The following TACC3 variants were observed in gnomAD, a reference collection of about 807,000 sequenced individuals.
TACC3 encodes the protein transforming acidic coiled-coil containing protein 3.
A neutral mutation model predicts 86.0 loss-of-function variants in TACC3; 52 were observed. That is an observed-to-expected ratio of 0.60 (90% CI 0.48 to 0.76). TACC3 has a LOEUF of 0.76. Among genes scored for constraint, TACC3 ranks in the 30% least tolerant of loss-of-function variants. TACC3 has a pLI of 0.00. For missense variants in TACC3, 1,120 were observed against 1,070.4 expected, an observed-to-expected ratio of 1.05 and a Z score of -0.65; for synonymous variants, 512 against 430.0, an observed-to-expected ratio of 1.19 and a Z score of -2.36.
chr4:1,734,690 G>A (rs1220202162), intron 6 of TACC3, among the ~76,000 whole-genome samples: 1 of 150,108 alleles, frequency 6.7e-6, no homozygotes, highest in Non-Finnish European at 1.5e-5. Context: ...CTTTTTTTTT[G>A]CAACAGTTTT....
chr4:1,736,959 G>A (rs943543981), intron 8 of TACC3, among the ~76,000 whole-genome samples: 4 of 152,092 alleles, frequency 2.6e-5, no homozygotes, highest in African/African-American at 9.7e-5. Context: ...CCCCTGATGA[G>A]GCAGCACTGG....
Position 1,734,226 on chromosome 4 carries a change from C to T in TACC3, c.1592-1047C>T, listed in dbSNP as rs377709656. 1.5e-3 allele frequency among the ~76,000 whole-genome samples: 235 copies of T among 152,208 alleles called. 1 individual carries two copies. The highest frequency in any genetic ancestry group is 5.4e-3 in the African/African-American group (223 of 41,550). On this transcript the variant is annotated intron_variant, in intron 6 of 15. Transcript: ENST00000313288. ...TTCCCGAGACGGAGTCTTGCTCTGT[C>T]GCCCAGGCTGGAGTGCAGTAGCATG...
rs372369345 is a variant in TACC3, at chr4:1,728,558, G to A, written c.1156G>A (p.Gly386Ser). ...KAPQEVEEDD[G>S]RSGAGEDPPM... is the part of the protein sequence containing the mutation. ...CCCGCAGGAGGTGGAGGAGGACGAC[G>A]GTAGGAGCGGAGCAGGAGAGGACCC... The change falls in exon 4 of 16, where the codon GGT (glycine) becomes AGT (serine). Residue 386 changes from glycine (G) to serine (S), a missense_variant. By Grantham distance (56) the Gly-to-Ser change is moderately conservative (BLOSUM62 0). Transcript: ENST00000313288. 1.7e-5 allele frequency: 27 copies of A among 1,613,844 alleles called. No individual in the cohort carries two copies. The highest frequency in any genetic ancestry group is 6.7e-5 in the East Asian group (3 of 44,894).
chr4:1,744,302 G>GAA (rs1718736313), intron 13 of TACC3: 1 of 556,080 alleles, frequency 1.8e-6, no homozygotes, highest in African/African-American at 1.9e-5. Context: ...TTCAGGCCCG[G>GAA]CATCTCAGGG....
In TACC3 at chr4:1,735,941, G is replaced by T; in HGVS notation, c.1748+107G>T. 1 of 801,146 alleles carries T rather than the reference G, an allele frequency of 1.2e-6. No homozygotes were observed. The highest frequency in any genetic ancestry group is 1.7e-5 in the South Asian group (1 of 59,540). The allele number at this position is 801,146 out of a possible 1,614,324, so 49.6% of individuals were successfully genotyped here. ...AGAGGCTTCTAGACCGGGGGGAGATGATCAGAACTGGAAAGGAGCTGTGCT... is the reference window on the plus strand; with the variant it reads ...AGAGGCTTCTAGACCGGGGGGAGATTATCAGAACTGGAAAGGAGCTGTGCT... On this transcript the variant is annotated intron_variant, in intron 8 of 15. Coordinates refer to ENST00000313288, the MANE Select transcript of TACC3 (RefSeq NM_006342.3). This position sits in a 1 kb window ranked among gnomAD's most constrained non-coding sequence, Gnocchi z 4.2.
Position 1,728,538 on chromosome 4 carries a change from AG to A in TACC3, c.1138del (p.Glu380ArgfsTer81). The stretch of plus-strand genomic sequence containing the variant: ...GCAGTGAGGCAGCAAAAGGCCCCGC[AG>A]GAGGTGGAGGAGGACGACGGTAGGA... ...KAAVRQQKAP[Q>X]EVEEDDGRSG... On this transcript the variant is annotated frameshift_variant, in exon 4 of 16. Coordinates refer to ENST00000313288, the MANE Select transcript of TACC3 (RefSeq NM_006342.3). LOFTEE classifies it high-confidence loss of function. 1 of 1,613,976 alleles carries A rather than the reference AG, an allele frequency of 6.2e-7. No individual in the cohort carries two copies. Among genetic ancestry groups the A allele is most frequent in the Non-Finnish European group, 8.5e-7 (1 of 1,179,964 alleles).
rs763472717 is a variant in TACC3, at chr4:1,728,099, G to A, written c.697G>A (p.Glu233Lys). 1.4e-5 allele frequency: 23 copies of A among 1,612,384 alleles called. 1 individual carries two copies. In the East Asian group the frequency reaches 4.2e-4, roughly 30 times the overall value. ...ECKAETPHGAEEECRHGGVCA... is the reference protein window; with the variant it reads ...ECKAETPHGAKEECRHGGVCA... The stretch of plus-strand genomic sequence containing the variant: ...CAAAGCGGAGACTCCGCACGGAGCC[G>A]AGGAGGAATGCCGGCACGGTGGGGT... The change falls in exon 4 of 16, where the codon GAG becomes AAG. Residue 233 changes from glutamate to lysine, a missense_variant. Physicochemically the swap from Glu to Lys is moderately conservative, Grantham distance 56 (BLOSUM62 1). Transcript: ENST00000313288.
intron 6 of TACC3, among the ~76,000 whole-genome samples, chr4:1,733,187 G>A (rs1310872778): frequency 2.0e-5 from 3 of 152,178 alleles, no homozygotes; most frequent in African/African-American, 4.8e-5. Flanking sequence ...ATGAACGAGC[G>A]TCTTTTTATG....
At chr4:1,739,358 A>C in intron 10 of TACC3, 1 of 317,460 alleles carries the variant, frequency 3.1e-6, no homozygotes, top group Non-Finnish European at 5.8e-6. Context: ...TTCTTTGAAG[A>C]CAAACTTGGA....
chr4:1,744,774 C>T lies in TACC3; in HGVS notation c.2393C>T (p.Ala798Val). Residue 798 changes from alanine (A) to valine (V), a missense_variant, in exon 15 of 16, where the codon GCC (alanine) becomes GTC (valine). By Grantham distance (64) the Ala-to-Val change is moderately conservative (BLOSUM62 0). Transcript: ENST00000313288. The part of the protein sequence containing the change: ...KAQAEALALQ[A>V]SLRKEQMRIQ... The stretch of plus-strand genomic sequence containing the variant: ...CAGGCGGAAGCGTTGGCCCTCCAGG[C>T]CAGCCTGAGGAAGGAGCAGATGCGC... 6.2e-7 allele frequency: 1 copy of T among 1,612,816 alleles called. No individual in the cohort carries two copies. Among genetic ancestry groups the T allele is most frequent in the Non-Finnish European group, 8.5e-7 (1 of 1,180,024 alleles).
chr4:1,740,187 G>A (rs1212019886), intron 12 of TACC3, 185 bp downstream of exon 12: 1 of 626,280 alleles, frequency 1.6e-6, no homozygotes, highest in African/African-American at 1.8e-5. Flanking sequence ...GCTGGTGGTA[G>A]TGAGGCTGGT....
intron 11 of TACC3, 70 bp downstream of exon 11, chr4:1,739,848 C>A (rs1179384638): frequency 1.3e-6 from 2 of 1,551,788 alleles, no homozygotes; most frequent in African/African-American, 1.4e-5. Context: ...ATCCCCCTCG[C>A]CATCCTTGTC....
chr4:1,730,936 G>C lies in TACC3; in HGVS notation c.1435G>C (p.Ala479Pro). 1 of 1,613,472 alleles carries C rather than the reference G, an allele frequency of 6.2e-7. No individual in the cohort carries two copies. The highest frequency in any genetic ancestry group is 8.5e-7 in the Non-Finnish European group (1 of 1,180,042). The change falls in exon 5 of 16, where the codon GCC becomes CCC. Residue 479 changes from alanine (A) to proline (P), a missense_variant. Ala to Pro is a conservative substitution (Grantham distance 27). Transcript: ENST00000313288. ...AEDTPVVQLA[A>P]ETPTAESKER... ...GGACACGCCTGTGGTGCAGTTGGCA[G>C]CCGAGACCCCAACAGCAGAGAGCAA...
chr4:1,726,005 G>A (rs1337990248), intron 3 of TACC3, among the ~76,000 whole-genome samples: 1 of 152,218 alleles, frequency 6.6e-6, no homozygotes, highest in Non-Finnish European at 1.5e-5. Flanking sequence ...CAGGTGACAT[G>A]GGCCCCTTAT....
chr4:1,735,744 C>T lies in TACC3; in HGVS notation c.1658C>T (p.Ala553Val), dbSNP rs373005314. 3.1e-6 allele frequency: 5 copies of T among 1,612,794 alleles called. No homozygotes were observed. Among genetic ancestry groups the T allele is most frequent in the Non-Finnish European group, 4.2e-6 (5 of 1,179,622 alleles). The change falls in exon 8 of 16, where the codon GCC (alanine) becomes GTC (valine). Residue 553 changes from alanine (A) to valine (V), a missense_variant. Ala to Val is a moderately conservative substitution (Grantham distance 64, BLOSUM62 0). Transcript: ENST00000313288. The surrounding 1 kb of genome is among the most constrained non-coding windows in gnomAD (Gnocchi z 4.2). ...TCTTGTCCCCAGTTTAAGGAGTCGG[C>T]CTTGAGGAAGCAGTCCTTATACCTC... is the stretch of plus-strand genomic sequence containing the variant. ...QFGTSSFKES[A>V]LRKQSLYLKF...
In TACC3 at chr4:1,728,009, G is replaced by A. The variant is rs1717780221; in HGVS notation, c.607G>A (p.Glu203Lys). 1.9e-6 allele frequency: 3 copies of A among 1,613,258 alleles called. No homozygotes were observed. In the South Asian group the frequency reaches 3.3e-5, roughly 18 times the overall value. The change falls in exon 4 of 16, where the codon GAA becomes AAA. Residue 203 changes from glutamate to lysine, a missense_variant. By Grantham distance (56) the Glu-to-Lys change is moderately conservative. Transcript: ENST00000313288. The part of the protein sequence containing the change: ...RRVTPASETL[E>K]DPCRTESQHK... Reference sequence around the variant, plus strand: ...AGTGACACCCGCCTCTGAGACCCTAGAAGACCCTTGCAGGACAGAGTCCCA... The same window carrying A: ...AGTGACACCCGCCTCTGAGACCCTAAAAGACCCTTGCAGGACAGAGTCCCA...
chr4:1,721,949 T>C (rs1227637810), intron 1 of TACC3: 1 of 152,184 alleles, frequency 6.6e-6, no homozygotes, highest in African/African-American at 2.4e-5. Flanking sequence ...CTCCTGTCTC[T>C]CGGTCGCCCA....
chr4:1,723,110 A>T (rs1717497944), intron 1 of TACC3: 3 of 350,136 alleles, frequency 8.6e-6, no homozygotes, highest in Non-Finnish European at 1.1e-5. Context: ...ATACAGCAGT[A>T]GAGATTATGC....
chr4:1,734,330 G>T (rs1433808983), intron 6 of TACC3, among the ~76,000 whole-genome samples: 1 of 151,746 alleles, frequency 6.6e-6, no homozygotes, highest in African/African-American at 2.4e-5. Context: ...TGGGATTACA[G>T]GCTCATGCCA....
Sources: gnomAD v4.1 joint callset for allele counts (sites outside exome capture counted in the v4.1 genomes callset) on GRCh38, gnomAD v4.1.1 for gene constraint, Gnocchi (gnomAD v3.1) non-coding constraint, MANE v1.5 for transcripts, NCBI Gene and HGNC (gene_info 2026-07-23, HGNC 2026-07-21) for gene names.